The following TECPR2 variants were observed in gnomAD, a reference collection of about 807,000 sequenced individuals.
TECPR2 encodes tectonin beta-propeller repeat-containing protein 2.
A neutral mutation model predicts 138.1 loss-of-function variants in TECPR2; 65 were observed. That is an observed-to-expected ratio of 0.47 (90% CI 0.39 to 0.58). TECPR2 has a LOEUF of 0.58. Among genes scored for constraint, TECPR2 ranks in the 20% least tolerant of loss-of-function variants. The probability of loss-of-function intolerance (pLI) is 0.00; values close to 1 mark genes in which losing one functional copy is unlikely to be tolerated. For synonymous variants in TECPR2, 746 were observed against 749.8 expected (o/e 0.99, Z 0.08); for missense variants, 1,553 against 1,824.5 (o/e 0.85, Z 2.71).
intron 1 of TECPR2, among the ~76,000 whole-genome samples, chr14:102,372,107 C>T (rs527492057): frequency 2.6e-5 from 4 of 152,242 alleles, no homozygotes; most frequent in Middle Eastern, 3.4e-3. Context: ...TGTACCACCA[C>T]ACCTGGCTAA....
At chr14:102,496,730 C>G (rs1461008998) in intron 17 of TECPR2, among the ~76,000 whole-genome samples, 2 of 152,210 alleles carry the variant, frequency 1.3e-5, no homozygotes, top group African/African-American at 4.8e-5. Context: ...CCTTCTTGGC[C>G]TCCTGCTGGA....
chr14:102,487,878 G>A (rs1891069373), intron 17 of TECPR2, among the ~76,000 whole-genome samples: 1 of 132,092 alleles, frequency 7.6e-6, no homozygotes, highest in South Asian at 2.4e-4. Flanking sequence ...TTTCACTCTT[G>A]TTGCCGAGGC....
chr14:102,472,020 A>G (rs1046212674), intron 17 of TECPR2, among the ~76,000 whole-genome samples: 5 of 152,244 alleles, frequency 3.3e-5, no homozygotes, highest in South Asian at 2.1e-4. Flanking sequence ...CCCAGTGCAG[A>G]GGCAGGCTGC....
intron 2 of TECPR2, among the ~76,000 whole-genome samples, chr14:102,402,304 T>C (rs1045651382): frequency 6.6e-6 from 1 of 151,966 alleles, no homozygotes. Flanking sequence ...AACCAAAGGG[T>C]AAATAAAGAA....
At position 102,376,923 on chromosome 14, in the gene TECPR2, A is replaced by G; in HGVS notation, c.202A>G (p.Arg68Gly). The G allele has an allele frequency of 6.2e-7, 1 of 1,613,804 alleles. No individual in the cohort carries two copies. Among genetic ancestry groups the G allele is most frequent in the Non-Finnish European group, 8.5e-7 (1 of 1,179,942 alleles). ...GTACTGCCGGCACCTCAACCAGATG[A>G]GGAAGTACAACTTTGAGGTGAGCCT... ...YLYCRHLNQM[R>G]KYNFEGKTES... Residue 68 changes from arginine (R) to glycine (G), a missense_variant, in exon 2 of 20, where the codon AGG becomes GGG. By Grantham distance (125) the Arg-to-Gly change is moderately radical (BLOSUM62 -2). Transcript: ENST00000359520.
At position 102,414,742 on chromosome 14, in the gene TECPR2, T is replaced by G; in HGVS notation, c.587T>G (p.Phe196Cys). ...TCTACTCTGCAAAGAAGTCTGCTCT[T>G]TTACACTGAAGAAAAGTCTGTAAGG... ...LVSTLQRSLLFYTEEKSVRQI... is the reference protein window; with the variant it reads ...LVSTLQRSLLCYTEEKSVRQI... The change falls in exon 5 of 20, where the codon TTT (phenylalanine) becomes TGT (cysteine). Residue 196 changes from phenylalanine to cysteine, a missense_variant. Phe to Cys is a radical substitution (Grantham distance 205, BLOSUM62 -2). Transcript: ENST00000359520. The G allele has an allele frequency of 6.2e-7, 1 of 1,614,212 alleles. No homozygotes were observed. The highest frequency in any genetic ancestry group is 1.1e-5 in the South Asian group (1 of 91,086).
intron 4 of TECPR2, 99 bp downstream of exon 4, chr14:102,408,718 A>G (rs1888732818): frequency 2.4e-6 from 3 of 1,249,744 alleles, no homozygotes; most frequent in Admixed American, 2.5e-5. Flanking sequence ...ATTCTTGATC[A>G]TCATCCCTTT....
intron 17 of TECPR2, among the ~76,000 whole-genome samples, chr14:102,487,846 G>GTT (rs36006413): frequency 4.2e-4 from 54 of 129,448 alleles, no homozygotes; most frequent in African/African-American, 5.7e-4. Flanking sequence ...CGGCCTGTTT[G>GTT]TTTTTTTTTT....
At chr14:102,409,874 G>A (rs1002656276) in intron 4 of TECPR2, among the ~76,000 whole-genome samples, 2 of 151,996 alleles carry the variant, frequency 1.3e-5, no homozygotes, top group Admixed American at 6.6e-5. Flanking sequence ...GCGCGATCTC[G>A]GCTCACTGCA....
intron 11 of TECPR2, among the ~76,000 whole-genome samples, chr14:102,441,638 T>C (rs56403961): frequency 1.3e-5 from 2 of 151,982 alleles, no homozygotes; most frequent in Non-Finnish European, 2.9e-5. Context: ...TGCAGTGAGC[T>C]GAGATCGCGC....
In TECPR2 at chr14:102,502,151, A is replaced by T. The variant is rs1302775530; in HGVS notation, c.*3894A>T. The T allele has an allele frequency of 6.6e-6, 1 of 151,608 alleles. No homozygotes were observed. The highest frequency in any genetic ancestry group is 1.5e-5 in the Non-Finnish European group (1 of 68,032). 9.4% of individuals were successfully genotyped at this position (151,608 alleles called of 1,614,324 possible). A position where few individuals can be genotyped will look rare whatever the true frequency, so the allele number is the denominator to read the frequency against. On this transcript the variant is annotated 3_prime_UTR_variant, in exon 20 of 20. Transcript: ENST00000359520. ...TGTGTGCAGGAAGCGGAGGCGCAGG[A>T]CCTCACCGCGCCAGCGTGAAGTTCC... is the stretch of plus-strand genomic sequence containing the variant.
At chr14:102,455,885 T>C (rs1447369945) in intron 16 of TECPR2, among the ~76,000 whole-genome samples, 3 of 152,246 alleles carry the variant, frequency 2.0e-5, no homozygotes, top group African/African-American at 7.2e-5. Flanking sequence ...AGTGCTGGGA[T>C]TACAGGCGTG....
intron 17 of TECPR2, among the ~76,000 whole-genome samples, chr14:102,492,849 T>G (rs1362741562): frequency 6.6e-6 from 1 of 152,224 alleles, no homozygotes; most frequent in African/African-American, 2.4e-5. Context: ...TTCTAGCGGC[T>G]TCTAGTAAAG....
At chr14:102,410,039 T>C (rs536409036) in intron 4 of TECPR2, among the ~76,000 whole-genome samples, 89 of 150,964 alleles carry the variant, frequency 5.9e-4, no homozygotes, top group Admixed American at 2.7e-3. Flanking sequence ...CTCCTGACCC[T>C]GTGATTGAAA....
At chr14:102,445,745 C>T in intron 12 of TECPR2, 61 bp from the exon 13 acceptor site, 1 of 1,563,054 alleles carries the variant, frequency 6.4e-7, no homozygotes, top group Non-Finnish European at 8.7e-7. Flanking sequence ...GTCCGCAGTC[C>T]AGACACACTG....
intron 2 of TECPR2, among the ~76,000 whole-genome samples, chr14:102,387,359 C>A (rs1019328814): frequency 2.6e-5 from 4 of 152,054 alleles, no homozygotes; most frequent in African/African-American, 9.7e-5. Context: ...ATAACAAGTA[C>A]AAAAATGTTA....
At position 102,440,615 on chromosome 14, in the gene TECPR2, C is replaced by T. The variant is rs201212775; in HGVS notation, c.2752+6C>T. ...GGACCTATACTTGCAGACAGGTAAC[C>T]GCGGGCCACGCTTAGAGGCCTGCCA... On this transcript the variant is annotated splice_donor_region_variant and intron_variant, in intron 11 of 19. Coordinates refer to ENST00000359520, the MANE Select transcript of TECPR2 (RefSeq NM_014844.5). The T allele has an allele frequency of 2.4e-5, 38 of 1,611,756 alleles. No homozygotes were observed. Among genetic ancestry groups the T allele is most frequent in the Admixed American group, 1.0e-4 (6 of 59,760 alleles).
chr14:102,474,277 A>G (rs191589232), intron 17 of TECPR2, among the ~76,000 whole-genome samples: 66 of 152,258 alleles, frequency 4.3e-4, no homozygotes, highest in African/African-American at 1.5e-3. Context: ...TAATCAATTA[A>G]TAAAAATAAA....
chr14:102,383,733 A>C (rs1887904901), intron 2 of TECPR2, among the ~76,000 whole-genome samples: 1 of 151,742 alleles, frequency 6.6e-6, no homozygotes, highest in South Asian at 2.1e-4. Context: ...GAAAAACTGT[A>C]TAACTATTTA....
Sources: gnomAD v4.1 joint callset for allele counts (sites outside exome capture counted in the v4.1 genomes callset) on GRCh38, gnomAD v4.1.1 for gene constraint, MANE v1.5 for transcripts, NCBI Gene and HGNC (gene_info 2026-07-23, HGNC 2026-07-21) for gene names.